Variants in SLC35F1 observed in about 807,000 individuals in gnomAD.
SLC35F1 encodes the protein solute carrier family 35 member F1, also known as chromosome 6 open reading frame 169.
Under a neutral mutation model 48.7 loss-of-function variants are expected in SLC35F1, and 14 were observed. That is an observed-to-expected ratio of 0.29 (90% CI 0.19 to 0.45). SLC35F1 has a LOEUF of 0.45. Ranked by LOEUF, SLC35F1 falls within the 20% of genes least tolerant of loss-of-function variation. SLC35F1 has a pLI of 1.00. For synonymous variants in SLC35F1, 190 were observed against 202.2 expected (o/e 0.94, Z 0.51); for missense variants, 404 against 500.0 (o/e 0.81, Z 1.83).
chr6:118,046,779 A>G (rs1772308216), intron 1 of SLC35F1, among the ~76,000 whole-genome samples: 1 of 152,222 alleles, frequency 6.6e-6, no homozygotes, highest in East Asian at 1.9e-4. Context: ...TTATTGTTAT[A>G]CCTATTTCTC....
intron 2 of SLC35F1, among the ~76,000 whole-genome samples, chr6:118,202,858 A>G (rs1774888768): frequency 1.3e-5 from 2 of 152,254 alleles, no homozygotes; most frequent in Admixed American, 6.5e-5. Flanking sequence ...AGGAGATGAC[A>G]TTTGAGCTGA....
intron 1 of SLC35F1, among the ~76,000 whole-genome samples, chr6:117,930,130 T>C (rs142685040): frequency 6.6e-6 from 1 of 152,320 alleles, no homozygotes; most frequent in East Asian, 1.9e-4. Flanking sequence ...TATTAGTTGG[T>C]ACCATTTTGT....
At chr6:118,291,504 C>T (rs1026472823) in intron 7 of SLC35F1, among the ~76,000 whole-genome samples, 1 of 152,102 alleles carries the variant, frequency 6.6e-6, no homozygotes, top group Non-Finnish European at 1.5e-5. Context: ...CTGTGATTGT[C>T]TTTTTACTTT....
Position 117,907,496 on chromosome 6 carries a change from C to T in SLC35F1, c.-231C>T. 2 of 279,480 alleles carry T rather than the reference C, an allele frequency of 7.2e-6. No individual in the cohort carries two copies. The highest frequency in any genetic ancestry group is 6.6e-6 in the Non-Finnish European group (1 of 152,350). 17.3% of individuals were successfully genotyped at this position (279,480 alleles called of 1,614,324 possible). On this transcript the variant is annotated 5_prime_UTR_variant, in exon 1 of 8. Transcript: ENST00000360388. ...GAAGAGCCGGGGCGGGCGGCGGCGGCGGCGGCACGGGCGCGAGGGTGCGCG... is the reference window on the plus strand; with the variant it reads ...GAAGAGCCGGGGCGGGCGGCGGCGGTGGCGGCACGGGCGCGAGGGTGCGCG...
chr6:118,206,730 A>T (rs1037873125), intron 2 of SLC35F1, among the ~76,000 whole-genome samples: 3 of 152,186 alleles, frequency 2.0e-5, no homozygotes, highest in African/African-American at 7.2e-5. Flanking sequence ...TTTGTATCAC[A>T]GAGGCCATCT....
At position 117,930,806 on chromosome 6, in the gene SLC35F1, TAGTA is replaced by T. The variant is rs754656045; in HGVS notation, c.173+22911_173+22914del. Among the ~76,000 whole-genome samples, 10 of 152,158 alleles carry T rather than the reference TAGTA, an allele frequency of 6.6e-5. No individual in the cohort carries two copies. The South Asian group carries it at 1.0e-3, about 16-fold the overall frequency. On this transcript the variant is annotated intron_variant, in intron 1 of 7. Coordinates refer to ENST00000360388, the MANE Select transcript of SLC35F1 (RefSeq NM_001029858.4). ...GCAGATTTCTGTTGCAGTGGGCACT[TAGTA>T]AGTGCTTTTGAGCAAGTTAATGAAT...
intron 2 of SLC35F1, among the ~76,000 whole-genome samples, chr6:118,230,956 G>A (rs1308891506): frequency 6.6e-6 from 1 of 152,084 alleles, no homozygotes. Flanking sequence ...GAGAGACCCT[G>A]TCTGAAACAA....
intron 1 of SLC35F1, among the ~76,000 whole-genome samples, chr6:118,112,865 C>G (rs183884893): frequency 1.9e-4 from 29 of 152,128 alleles, no homozygotes; most frequent in African/African-American, 7.0e-4. Context: ...CAATATCAAT[C>G]CAGCTAACTC....
chr6:118,029,738 C>A (rs9489300), intron 1 of SLC35F1, among the ~76,000 whole-genome samples: 1 of 152,004 alleles, frequency 6.6e-6, no homozygotes, highest in Non-Finnish European at 1.5e-5. Flanking sequence ...ATACTGTTTA[C>A]AAAAGTTGAA....
chr6:118,239,556 T>A (rs1775409910), intron 3 of SLC35F1, among the ~76,000 whole-genome samples: 1 of 151,948 alleles, frequency 6.6e-6, no homozygotes, highest in East Asian at 1.9e-4. Flanking sequence ...TTCAGTGAGT[T>A]TTTTTTTAAG....
intron 4 of SLC35F1, among the ~76,000 whole-genome samples, chr6:118,269,268 A>G (rs1386360772): frequency 1.3e-5 from 2 of 152,254 alleles, no homozygotes; most frequent in Non-Finnish European, 2.9e-5. Flanking sequence ...TGGCTAAAAC[A>G]TACTGGAGTG....
chr6:118,050,255 A>T (rs917216588), intron 1 of SLC35F1, among the ~76,000 whole-genome samples: 1 of 151,940 alleles, frequency 6.6e-6, no homozygotes, highest in Admixed American at 6.6e-5. Flanking sequence ...TAGGAGATAT[A>T]CCTAATGCTA....
chr6:117,999,345 A>C, intron 1 of SLC35F1: 2 of 1,593,080 alleles, frequency 1.3e-6, no homozygotes, highest in Non-Finnish European at 1.7e-6. Context: ...CCAAAGGCCA[A>C]GGCCAAGGCC....
intron 4 of SLC35F1, among the ~76,000 whole-genome samples, chr6:118,272,767 A>ATG (rs1775872307): frequency 8.8e-5 from 12 of 136,060 alleles, no homozygotes; most frequent in African/African-American, 3.5e-4. Flanking sequence ...ATATATATGT[A>ATG]TATATATATA....
intron 1 of SLC35F1, among the ~76,000 whole-genome samples, chr6:118,055,109 G>C (rs939242826): frequency 6.6e-6 from 1 of 152,126 alleles, no homozygotes; most frequent in African/African-American, 2.4e-5. Flanking sequence ...GAATGTATCC[G>C]AGTATTGAAA....
chr6:118,052,737 A>G (rs1772408405), intron 1 of SLC35F1, among the ~76,000 whole-genome samples: 1 of 152,210 alleles, frequency 6.6e-6, no homozygotes, highest in South Asian at 2.1e-4. Flanking sequence ...TTTGTGAAAA[A>G]AATAACAGGA....
At chr6:118,056,488 G>GT (rs1772465362) in intron 1 of SLC35F1, among the ~76,000 whole-genome samples, 1 of 152,170 alleles carries the variant, frequency 6.6e-6, no homozygotes, top group Non-Finnish European at 1.5e-5. Flanking sequence ...GCCAGAAGAA[G>GT]TAAGTCCCCT....
At chr6:118,259,755 C>T (rs1482803671) in intron 3 of SLC35F1, among the ~76,000 whole-genome samples, 1 of 151,312 alleles carries the variant, frequency 6.6e-6, no homozygotes, top group African/African-American at 2.4e-5. Flanking sequence ...GAAACTAGAA[C>T]CCTTGTACAT....
chr6:118,163,109 G>A (rs928082440), intron 2 of SLC35F1, among the ~76,000 whole-genome samples: 4 of 151,696 alleles, frequency 2.6e-5, no homozygotes, highest in South Asian at 2.1e-4. Context: ...TTACAGGCAC[G>A]TGCCACTACC....
Sources: allele counts gnomAD v4.1 joint callset (sites outside exome capture counted in the v4.1 genomes callset), GRCh38; gene constraint gnomAD v4.1.1; transcripts MANE v1.5; gene names NCBI Gene and HGNC (gene_info 2026-07-23, HGNC 2026-07-21).